The following MED23 variants were observed in gnomAD, a reference collection of about 807,000 sequenced individuals.
MED23 encodes the protein mediator of RNA polymerase II transcription subunit 23.
A neutral mutation model predicts 163.9 loss-of-function variants in MED23; 105 were observed. That is an observed-to-expected ratio of 0.64 (90% CI 0.55 to 0.75). The LOEUF is 0.75. MED23 is among the 30% of genes least tolerant of loss of function. MED23 has a pLI of 0.00. For missense variants in MED23, 1,054 were observed against 1,649.0 expected, an observed-to-expected ratio of 0.64 and a Z score of 6.25; for synonymous variants, 561 against 565.6, an observed-to-expected ratio of 0.99 and a Z score of 0.12.
intron 20 of MED23, among the ~76,000 whole-genome samples, chr6:131,597,475 C>CAAAAAAAAAAAAA (rs59083644): frequency 3.7e-5 from 2 of 53,752 alleles, no homozygotes; most frequent in Admixed American, 2.0e-4. Flanking sequence ...GACTCCATAT[C>CAAAAAAAAAAAAA]AAAAAAAAAA....
rs1179278265 is a variant in MED23, at chr6:131,586,974, T to C, written c.*705A>G. ...ATTAACTTATTTTTAAAAAAAGAAA[T>C]TGGAGAATCAACCATTTAAGCATGA... On this transcript the variant is annotated 3_prime_UTR_variant, in exon 29 of 29. Transcript: ENST00000368068. 2.0e-6 allele frequency: 3 copies of C among 1,493,062 alleles called. No homozygotes were observed. Among genetic ancestry groups the C allele is most frequent in the Non-Finnish European group, 2.7e-6 (3 of 1,119,100 alleles). 92.5% of individuals were successfully genotyped at this position (1,493,062 alleles called of 1,614,324 possible). A position where few individuals can be genotyped will look rare whatever the true frequency, so the allele number is the denominator to read the frequency against.
intron 30 of MED23, among the ~76,000 whole-genome samples, chr6:131,578,161 A>G (rs1773719032): frequency 6.7e-6 from 1 of 149,660 alleles, no homozygotes; most frequent in Non-Finnish European, 1.5e-5. Context: ...GTTTTAGTGA[A>G]CAAGAATTAC....
At chr6:131,594,037 A>G (rs933914082) in intron 23 of MED23, 62 bp downstream of exon 23, 1 of 1,378,908 alleles carries the variant, frequency 7.3e-7, no homozygotes, top group Non-Finnish European at 1.0e-6. Flanking sequence ...AAGAAAAAAT[A>G]TATTCTCATA....
chr6:131,581,648 C>G (rs1014991834), intron 30 of MED23, among the ~76,000 whole-genome samples: 2 of 152,170 alleles, frequency 1.3e-5, no homozygotes, highest in African/African-American at 4.8e-5. Flanking sequence ...ATAAACAGGT[C>G]AGTGGAGGTT....
chr6:131,626,387 A>G (rs1777503614), intron 3 of MED23, among the ~76,000 whole-genome samples: 1 of 152,048 alleles, frequency 6.6e-6, no homozygotes, highest in Non-Finnish European at 1.5e-5. Flanking sequence ...AGGTACAGCC[A>G]TACAATGGAA....
chr6:131,615,871 T>C (rs768708150), intron 10 of MED23, 36 bp downstream of exon 10: 38 of 1,461,114 alleles, frequency 2.6e-5, no homozygotes, highest in Non-Finnish European at 3.4e-5. Context: ...GCAGATTCTA[T>C]GCAGAATTTA....
chr6:131,579,044 A>T (rs1562356485), intron 30 of MED23: 1 of 1,551,742 alleles, frequency 6.4e-7, no homozygotes, highest in East Asian at 2.3e-5. Context: ...TACAATTGAG[A>T]TCATCCTACA....
intron 28 of MED23, 122 bp from the exon 29 acceptor site, chr6:131,587,968 A>G: frequency 2.5e-6 from 2 of 804,386 alleles, no homozygotes; most frequent in Admixed American, 4.2e-5. Context: ...GTAGATGAGA[A>G]GTTTCTTAAC....
At chr6:131,589,654 T>C in intron 27 of MED23, 58 bp from the exon 28 acceptor site, 1 of 1,550,858 alleles carries the variant, frequency 6.4e-7, no homozygotes, top group Non-Finnish European at 8.9e-7. Flanking sequence ...TAATTCAGCA[T>C]GATGCAGCTG....
In MED23 at chr6:131,605,411, T is replaced by C; in HGVS notation, c.1442A>G (p.Tyr481Cys). 6.2e-7 allele frequency: 1 copy of C among 1,612,430 alleles called. No individual in the cohort carries two copies. Among genetic ancestry groups the C allele is most frequent in the Non-Finnish European group, 8.5e-7 (1 of 1,178,780 alleles). ...DYKIALLCNA[Y>C]STNSECFTLP... ...TGTAAAACATTCTGAATTTGTAGAGTATGCATTACACAATAGAGCAATCTT... is the reference window on the plus strand; with the variant it reads ...TGTAAAACATTCTGAATTTGTAGAGCATGCATTACACAATAGAGCAATCTT... Residue 481 changes from tyrosine (Y) to cysteine (C), a missense_variant, in exon 14 of 29, where the codon TAC (tyrosine) becomes TGC (cysteine). Physicochemically the swap from Tyr to Cys is radical, Grantham distance 194. Transcript: ENST00000368068.
At chr6:131,574,562 A>T (rs1488453560) in intron 30 of MED23, among the ~76,000 whole-genome samples, 6 of 152,218 alleles carry the variant, frequency 3.9e-5, no homozygotes, top group African/African-American at 1.4e-4. Flanking sequence ...AAACATGGTC[A>T]TGAGAATGGA....
chr6:131,618,921 T>G (rs571603015), intron 8 of MED23, among the ~76,000 whole-genome samples: 1 of 152,184 alleles, frequency 6.6e-6, no homozygotes, highest in Non-Finnish European at 1.5e-5. Flanking sequence ...ACATGGCCCT[T>G]TACAGGAAAA....
downstream of MED23, chr6:131,582,815 A>G: frequency 1.5e-6 from 1 of 669,174 alleles, no homozygotes; most frequent in South Asian, 1.7e-5. Flanking sequence ...AAACATCAAG[A>G]CACACACACA....
intron 10 of MED23, chr6:131,615,679 A>G: frequency 1.6e-6 from 1 of 617,658 alleles, no homozygotes; most frequent in Non-Finnish European, 2.9e-6. Context: ...TAGAAAAAAA[A>G]GCAATGCAAA....
intron 30 of MED23, among the ~76,000 whole-genome samples, chr6:131,579,845 T>A (rs1773826436): frequency 6.6e-6 from 1 of 151,308 alleles, no homozygotes; most frequent in Non-Finnish European, 1.5e-5. Context: ...TGTGTGTGTG[T>A]ATGTGTGTGT....
chr6:131,584,760 G>A (rs1329880616), downstream of MED23, among the ~76,000 whole-genome samples: 1 of 151,210 alleles, frequency 6.6e-6, no homozygotes, highest in Admixed American at 6.6e-5. Flanking sequence ...AAGAGCTTGA[G>A]TCCAGGAGTT....
At chr6:131,627,801 G>A (rs970370175) in intron 1 of MED23, 129 bp from the exon 2 acceptor site, 5 of 1,046,674 alleles carry the variant, frequency 4.8e-6, no homozygotes, top group Admixed American at 2.0e-5. Flanking sequence ...TACCTGTCTG[G>A]CCTGTCACTG....
chr6:131,609,506 CTTTTTTTTT>C (rs71030751), intron 11 of MED23, among the ~76,000 whole-genome samples: 2,460 of 98,164 alleles, frequency 0.025, 83 homozygotes, highest in African/African-American at 0.1. Flanking sequence ...GAGACTATTC[CTTTTTTTTT>C]TTTTTTTTTT....
chr6:131,579,390 T>C, intron 30 of MED23: 1 of 1,310,446 alleles, frequency 7.6e-7, no homozygotes, highest in Non-Finnish European at 1.0e-6. Flanking sequence ...CATTGACCTA[T>C]ATTTTATATC....
Sources: gnomAD v4.1 joint callset for allele counts (sites outside exome capture counted in the v4.1 genomes callset) on GRCh38, gnomAD v4.1.1 for gene constraint, MANE v1.5 for transcripts, NCBI Gene and HGNC (gene_info 2026-07-23, HGNC 2026-07-21) for gene names.